HS3ST4: variants seen among roughly 807,000 people sequenced by gnomAD.
HS3ST4 encodes heparan sulfate-glucosamine 3-sulfotransferase 4.
A neutral mutation model predicts 29.2 loss-of-function variants in HS3ST4; 17 were observed. The observed-to-expected ratio is 0.58, with a 90% CI of 0.40 to 0.87. The LOEUF is 0.87. Ranked by LOEUF, HS3ST4 falls within the 40% of genes least tolerant of loss-of-function variation. HS3ST4 has a pLI of 0.00. For missense variants in HS3ST4, 627 were observed against 634.5 expected (o/e 0.99, Z 0.13); for synonymous variants, 314 against 285.7 (o/e 1.10, Z -1.00).
chr16:25,729,219 G>A (rs778809267), intron 1 of HS3ST4, among the ~76,000 whole-genome samples: 4 of 152,172 alleles, frequency 2.6e-5, no homozygotes, highest in Non-Finnish European at 4.4e-5. Flanking sequence ...AATAGTGAGA[G>A]TTTCTTTCTG....
At position 25,873,060 on chromosome 16, in the gene HS3ST4, G is replaced by T. The variant is rs117203444; in HGVS notation, c.734+179909G>T. On this transcript the variant is annotated intron_variant, in intron 1 of 1. Transcript: ENST00000331351. ...TGTTGACATTGGCTCAGAATGCACTGGCTGTGCACCTAGATTTGGCTTTTG... is the reference window on the plus strand; with the variant it reads ...TGTTGACATTGGCTCAGAATGCACTTGCTGTGCACCTAGATTTGGCTTTTG... 5.7e-3 allele frequency among the ~76,000 whole-genome samples: 868 copies of T among 152,138 alleles called. 25 individuals are homozygous for T. Among genetic ancestry groups the T allele is most frequent in the Admixed American group, 0.051 (780 of 15,264 alleles).
At chr16:25,990,479 G>A (rs558660004) in intron 1 of HS3ST4, among the ~76,000 whole-genome samples, 2 of 152,286 alleles carry the variant, frequency 1.3e-5, no homozygotes, top group East Asian at 1.9e-4. Flanking sequence ...CAGATGTTTC[G>A]GCTCAGGGAG....
At chr16:25,957,685 C>G (rs769131373) in intron 1 of HS3ST4, among the ~76,000 whole-genome samples, 7 of 152,252 alleles carry the variant, frequency 4.6e-5, no homozygotes, top group Non-Finnish European at 8.8e-5. Context: ...TCCCAAAGTA[C>G]TGGCATTACA....
intron 1 of HS3ST4, among the ~76,000 whole-genome samples, chr16:25,821,458 A>G (rs1042673694): frequency 2.6e-5 from 4 of 152,086 alleles, no homozygotes; most frequent in African/African-American, 9.7e-5. Flanking sequence ...ATTTATAAGA[A>G]TTCTTCACAT....
intron 1 of HS3ST4, among the ~76,000 whole-genome samples, chr16:25,974,455 T>C (rs2141708031): frequency 6.6e-6 from 1 of 152,308 alleles, no homozygotes; most frequent in Non-Finnish European, 1.5e-5. Flanking sequence ...AAAAACTAAA[T>C]GATGCAAATT....
chr16:26,044,720 A>G (rs1898244697), intron 1 of HS3ST4, among the ~76,000 whole-genome samples: 1 of 147,578 alleles, frequency 6.8e-6, no homozygotes, highest in Non-Finnish European at 1.5e-5. Context: ...GGATGGGGCC[A>G]GGCAGGGGCA....
At chr16:26,016,852 A>G (rs1156349942) in intron 1 of HS3ST4, among the ~76,000 whole-genome samples, 1 of 152,200 alleles carries the variant, frequency 6.6e-6, no homozygotes, top group Non-Finnish European at 1.5e-5. Flanking sequence ...TGGGCACTCA[A>G]GAGGACTGTA....
intron 1 of HS3ST4, among the ~76,000 whole-genome samples, chr16:26,007,445 C>A (rs759654824): frequency 2.6e-5 from 4 of 152,158 alleles, no homozygotes; most frequent in Non-Finnish European, 5.9e-5. Context: ...CAGCCCTGTG[C>A]CTCAGTTTCC....
intron 1 of HS3ST4, among the ~76,000 whole-genome samples, chr16:26,027,421 G>T (rs1969487398): frequency 6.6e-6 from 1 of 152,122 alleles, no homozygotes; most frequent in Admixed American, 6.6e-5. Flanking sequence ...CCCCCAGCCC[G>T]AGTTCCTATC....
intron 1 of HS3ST4, among the ~76,000 whole-genome samples, chr16:25,914,068 G>A (rs1422786115): frequency 1.3e-5 from 2 of 150,382 alleles, no homozygotes; most frequent in Non-Finnish European, 3.0e-5. Flanking sequence ...TGTGCACGGA[G>A]TGTGTGTGTG....
chr16:26,019,618 G>A (rs148857974), intron 1 of HS3ST4, among the ~76,000 whole-genome samples: 2 of 152,218 alleles, frequency 1.3e-5, no homozygotes, highest in African/African-American at 4.8e-5. Context: ...CAGGGAGGGC[G>A]GCGGGTCCGT....
At chr16:25,866,290 A>G (rs757112938) in intron 1 of HS3ST4, among the ~76,000 whole-genome samples, 2 of 152,212 alleles carry the variant, frequency 1.3e-5, no homozygotes. Context: ...TAAGTAATGT[A>G]CAGATCTGAT....
At chr16:25,986,597 T>A (rs1379996817) in intron 1 of HS3ST4, among the ~76,000 whole-genome samples, 1 of 152,216 alleles carries the variant, frequency 6.6e-6, no homozygotes, top group East Asian at 1.9e-4. Context: ...GCTCGCAGTG[T>A]CCATAAAAAT....
chr16:25,960,027 T>C (rs894961290), intron 1 of HS3ST4, among the ~76,000 whole-genome samples: 3 of 152,084 alleles, frequency 2.0e-5, no homozygotes, highest in African/African-American at 7.2e-5. Flanking sequence ...TCCCAACTAC[T>C]TGGGAAGCTG....
At chr16:26,023,140 A>AT in intron 1 of HS3ST4, among the ~76,000 whole-genome samples, 1 of 152,046 alleles carries the variant, frequency 6.6e-6, no homozygotes, top group Non-Finnish European at 1.5e-5. Context: ...TTTCTTAAGC[A>AT]TTTTTTCATG....
At chr16:25,881,670 C>T (rs530247248) in intron 1 of HS3ST4, among the ~76,000 whole-genome samples, 9 of 152,010 alleles carry the variant, frequency 5.9e-5, no homozygotes, top group South Asian at 4.2e-4. Context: ...TTGTTGTGGG[C>T]GATGAAAGCA....
intron 1 of HS3ST4, among the ~76,000 whole-genome samples, chr16:25,913,828 A>G (rs1422058422): frequency 9.0e-5 from 9 of 99,952 alleles, no homozygotes; most frequent in South Asian, 3.5e-4. Flanking sequence ...TGCACGGGGG[A>G]GGTGTATGTA....
chr16:26,062,777 C>A, intron 1 of HS3ST4: 1 of 233,228 alleles, frequency 4.3e-6, no homozygotes, highest in East Asian at 1.0e-4. Context: ...AAGAATGTCA[C>A]CATCTCTAAA....
chr16:25,707,449 G>T (rs1365101467), intron 1 of HS3ST4, among the ~76,000 whole-genome samples: 1 of 152,054 alleles, frequency 6.6e-6, no homozygotes, highest in Non-Finnish European at 1.5e-5. Flanking sequence ...TATCTATAGG[G>T]TTTTGTATTA....
Sources: gnomAD v4.1 joint callset for allele counts (sites outside exome capture counted in the v4.1 genomes callset) on GRCh38, gnomAD v4.1.1 for gene constraint, MANE v1.5 for transcripts, NCBI Gene and HGNC (gene_info 2026-07-23, HGNC 2026-07-21) for gene names.